The following NMU variants were observed in gnomAD, a reference collection of about 807,000 sequenced individuals.
The protein encoded by NMU is neuromedin U.
A neutral mutation model predicts 35.4 loss-of-function variants in NMU; 29 were observed. That is an observed-to-expected ratio of 0.82 (90% CI 0.61 to 1.12). The LOEUF (loss-of-function observed/expected upper bound fraction) is 1.12, where lower values mean the gene tolerates loss of function less well. NMU is among the 50% of genes most tolerant of loss of function. NMU has a pLI of 0.00. For synonymous variants in NMU, 78 were observed against 81.3 expected (o/e 0.96, Z 0.22); for missense variants, 199 against 206.2 (o/e 0.97, Z 0.21).
intron 3 of NMU, 46 bp downstream of exon 3, chr4:55,616,292 T>C: frequency 6.9e-7 from 1 of 1,441,806 alleles, no homozygotes. Flanking sequence ...GTTTAAGCAC[T>C]ACACAAACAC....
Position 55,609,162 on chromosome 4 carries a change from C to T in NMU, c.237G>A (p.Glu79=), listed in dbSNP as rs1733827073. ...DSQPQASNAL[E]ELCFMIMGML... The stretch of plus-strand genomic sequence containing the variant: ...TTCCCATAATCATAAAGCAAAGCTC[C>T]TCCAGTGCGTTGGATGCCTAACAGA... The change falls in exon 4 of 10, where the codon GAG becomes GAA. Residue 79 remains glutamate (E), a synonymous_variant. Coordinates refer to ENST00000264218, the MANE Select transcript of NMU (RefSeq NM_006681.4). The T allele has an allele frequency of 6.2e-7, 1 of 1,612,790 alleles. No individual in the cohort carries two copies. The highest frequency in any genetic ancestry group is 2.2e-5 in the East Asian group (1 of 44,856).
At chr4:55,597,607 C>A (rs1163008526) in intron 9 of NMU, among the ~76,000 whole-genome samples, 1 of 152,152 alleles carries the variant, frequency 6.6e-6, no homozygotes, top group African/African-American at 2.4e-5. Context: ...CTCAGGTGAT[C>A]CGCCCACCTT....
At chr4:55,612,673 C>T (rs1419616942) in intron 3 of NMU, among the ~76,000 whole-genome samples, 1 of 152,180 alleles carries the variant, frequency 6.6e-6, no homozygotes, top group Non-Finnish European at 1.5e-5. Context: ...GCTGGATGAG[C>T]TTCAGTAAGA....
chr4:55,627,090 G>A (rs887217303), intron 2 of NMU, among the ~76,000 whole-genome samples: 11 of 152,210 alleles, frequency 7.2e-5, no homozygotes, highest in African/African-American at 2.7e-4. Flanking sequence ...AGCACAGGAA[G>A]AGCCATGGAT....
chr4:55,598,998 G>A (rs1367633246), intron 9 of NMU, 144 bp downstream of exon 9: 3 of 612,530 alleles, frequency 4.9e-6, no homozygotes, highest in East Asian at 3.0e-5. Flanking sequence ...GAACATTCAT[G>A]TACATATGCA....
At chr4:55,610,336 G>A (rs1733876141) in intron 3 of NMU, among the ~76,000 whole-genome samples, 1 of 152,038 alleles carries the variant, frequency 6.6e-6, no homozygotes, top group Non-Finnish European at 1.5e-5. Flanking sequence ...GTTAGCACAC[G>A]CCTGTAATTC....
chr4:55,602,747 G>A (rs1391848265), intron 7 of NMU, among the ~76,000 whole-genome samples: 14 of 152,070 alleles, frequency 9.2e-5, no homozygotes, highest in African/African-American at 3.4e-4. Flanking sequence ...AATTTTAAGG[G>A]GCTACTGCCT....
At chr4:55,632,220 T>C (rs1241227564) in intron 1 of NMU, among the ~76,000 whole-genome samples, 1 of 152,154 alleles carries the variant, frequency 6.6e-6, no homozygotes, top group African/African-American at 2.4e-5. Flanking sequence ...ACCACTCGGA[T>C]GATGGGTGCC....
At chr4:55,619,800 G>C (rs1310701515) in intron 2 of NMU, among the ~76,000 whole-genome samples, 2 of 146,104 alleles carry the variant, frequency 1.4e-5, no homozygotes, top group Admixed American at 6.9e-5. Context: ...GGTTCTCCCA[G>C]CACGCAGCTG....
Position 55,599,168 on chromosome 4 carries a change from C to A in NMU, c.503G>T (p.Arg168Ile), listed in dbSNP as rs1255718220. The change falls in exon 9 of 10, where the codon AGA becomes ATA. Residue 168 changes from arginine to isoleucine, a missense_variant. Coordinates refer to ENST00000264218, the MANE Select transcript of NMU (RefSeq NM_006681.4). ...GYFLFRPRNG[R>I]RSAGFI ...ATTTTAAATGAACCCTGCTGACCTT[C>A]TTCCATTCCGTGGCTGAAAAATAAT... 5 of 1,606,554 alleles carry A rather than the reference C, an allele frequency of 3.1e-6. No individual in the cohort carries two copies. Among genetic ancestry groups the A allele is most frequent in the South Asian group, 2.2e-5 (2 of 90,878 alleles).
At chr4:55,618,769 TC>T (rs1734228938) in intron 2 of NMU, among the ~76,000 whole-genome samples, 1 of 149,946 alleles carries the variant, frequency 6.7e-6, no homozygotes, top group Non-Finnish European at 1.5e-5. Flanking sequence ...TCTCTCTCTT[TC>T]TTCTCTTTCT....
Position 55,636,297 on chromosome 4 carries a change from C to T in NMU, c.-105G>A. 1.5e-6 allele frequency: 2 copies of T among 1,357,150 alleles called. No individual in the cohort carries two copies. The highest frequency in any genetic ancestry group is 1.7e-5 in the South Asian group (1 of 57,748). 84.1% of individuals were successfully genotyped at this position (1,357,150 alleles called of 1,614,324 possible). A position where few individuals can be genotyped will look rare whatever the true frequency, so the allele number is the denominator to read the frequency against. ...TGTGCCTCGGGGCCCGGACACAGGA[C>T]TGAGCGCCCGGCGAGCCGCCAACTT... On this transcript the variant is annotated 5_prime_UTR_variant, in exon 1 of 10. Transcript: ENST00000264218. This position sits in a 1 kb window ranked among gnomAD's most constrained non-coding sequence, Gnocchi z 4.0.
chr4:55,608,030 A>G (rs949600078), intron 4 of NMU, among the ~76,000 whole-genome samples: 1 of 152,068 alleles, frequency 6.6e-6, no homozygotes, highest in African/African-American at 2.4e-5. Flanking sequence ...AAAATTAGCC[A>G]GGCCTGGTGG....
rs770226005 is a variant in NMU at position 55,600,614 on chromosome 4, CTAAAAA to C, written c.436-45_436-40del. On this transcript the variant is annotated intron_variant, in intron 7 of 9. Transcript: ENST00000264218. ...TGAGGGCATTACAAATCACATAACA[CTAAAAA>C]TAAGTGCAAATTCTCCTTGAAAGTA... 1.9e-5 allele frequency: 28 copies of C among 1,457,740 alleles called. No individual in the cohort carries two copies. The African/African-American group carries it at 3.8e-4, about 20-fold the overall frequency. 90.3% of individuals were successfully genotyped at this position (1,457,740 alleles called of 1,614,324 possible).
chr4:55,609,316 T>G (rs1011284638), intron 3 of NMU, 137 bp from the exon 4 acceptor site: 1 of 706,054 alleles, frequency 1.4e-6, no homozygotes, highest in Non-Finnish European at 2.5e-6. Context: ...TTATTAAAAC[T>G]GTTGGAATCC....
intron 3 of NMU, among the ~76,000 whole-genome samples, chr4:55,612,390 A>T (rs1733966685): frequency 6.6e-6 from 1 of 152,166 alleles, no homozygotes; most frequent in Non-Finnish European, 1.5e-5. Flanking sequence ...ACAGAGTGAG[A>T]CCCTATCTCT....
In NMU at chr4:55,628,647, A is replaced by AC. The variant is rs1327158123; in HGVS notation, c.171+1754_171+1755insG. ...CTGAGTAGCTGGGATTACAGGCACC[A>AC]TGCCCGGATAATTTTTGTGTTATTA... On this transcript the variant is annotated intron_variant, in intron 2 of 9. Coordinates refer to ENST00000264218, the MANE Select transcript of NMU (RefSeq NM_006681.4). Among the ~76,000 whole-genome samples, 230 of 151,976 alleles carry AC rather than the reference A, an allele frequency of 1.5e-3. 1 individual carries two copies. The highest frequency in any genetic ancestry group is 4.9e-3 in the African/African-American group (202 of 41,460).
intron 3 of NMU, among the ~76,000 whole-genome samples, chr4:55,612,159 C>T (rs1364934504): frequency 2.6e-5 from 4 of 152,194 alleles, no homozygotes; most frequent in Non-Finnish European, 5.9e-5. Context: ...GGTCACCCCA[C>T]AAAAATCTGA....
intron 3 of NMU, among the ~76,000 whole-genome samples, chr4:55,611,811 C>A (rs1371005049): frequency 1.3e-5 from 2 of 152,152 alleles, no homozygotes; most frequent in East Asian, 3.8e-4. Flanking sequence ...TATACAATGA[C>A]AAATCATCCA....
Sources: gnomAD v4.1 joint callset for allele counts (sites outside exome capture counted in the v4.1 genomes callset) on GRCh38, gnomAD v4.1.1 for gene constraint, Gnocchi (gnomAD v3.1) non-coding constraint, MANE v1.5 for transcripts, NCBI Gene and HGNC (gene_info 2026-07-23, HGNC 2026-07-21) for gene names.